FYN: variants seen among roughly 807,000 people sequenced by gnomAD.
FYN encodes tyrosine-protein kinase Fyn.
FYN carries 10 observed loss-of-function variants against 70.2 expected under a neutral mutation model. The ratio of observed to expected loss-of-function variants is 0.14; its 90% CI spans 0.09 to 0.24. The LOEUF (loss-of-function observed/expected upper bound fraction) is 0.24. Among genes scored for constraint, FYN ranks in the 10% least tolerant of loss-of-function variants. The pLI, the probability that FYN is intolerant of heterozygous loss-of-function variation, is 1.00. For synonymous variants in FYN, 236 were observed against 248.6 expected (o/e 0.95, Z 0.48); for missense variants, 319 against 673.1 (o/e 0.47, Z 5.82).
chr6:111,840,359 A>T (rs2114453782), intron 2 of FYN, among the ~76,000 whole-genome samples: 1 of 152,290 alleles, frequency 6.6e-6, no homozygotes, highest in African/African-American at 2.4e-5. Context: ...AGACACACAG[A>T]TGAGAAGGCA....
chr6:111,785,466 C>A (rs931333467), intron 2 of FYN, among the ~76,000 whole-genome samples: 6 of 152,192 alleles, frequency 3.9e-5, no homozygotes, highest in African/African-American at 1.4e-4. Flanking sequence ...CTCTCTGACT[C>A]TGGCCTCTCT....
At chr6:111,663,254 C>A (rs957796240) in intron 13 of FYN, among the ~76,000 whole-genome samples, 1 of 152,204 alleles carries the variant, frequency 6.6e-6, no homozygotes, top group African/African-American at 2.4e-5. Flanking sequence ...ATATAGAAAC[C>A]AAGATTTCTT....
chr6:111,802,221 C>A (rs1389098347), intron 2 of FYN, among the ~76,000 whole-genome samples: 1 of 151,842 alleles, frequency 6.6e-6, no homozygotes, highest in Non-Finnish European at 1.5e-5. Context: ...AAGCATGTGG[C>A]ACCTCCCCCT....
At chr6:111,718,152 C>T (rs1389675952) in intron 4 of FYN, among the ~76,000 whole-genome samples, 3 of 152,228 alleles carry the variant, frequency 2.0e-5, no homozygotes, top group African/African-American at 7.2e-5. Context: ...CAGCACCCCA[C>T]TCTCTCCTTG....
At chr6:111,862,247 T>C (rs964668194) in intron 1 of FYN, among the ~76,000 whole-genome samples, 4 of 152,210 alleles carry the variant, frequency 2.6e-5, no homozygotes, top group South Asian at 2.1e-4. Context: ...GAAAACCTGA[T>C]GGCAGAGGGC....
chr6:111,749,290 T>A (rs1802382509), intron 3 of FYN, among the ~76,000 whole-genome samples: 1 of 152,204 alleles, frequency 6.6e-6, no homozygotes, highest in African/African-American at 2.4e-5. Flanking sequence ...TTTAAGTCTC[T>A]CTGGAGCAAC....
At chr6:111,866,924 A>C (rs1447852766) in intron 1 of FYN, among the ~76,000 whole-genome samples, 2 of 152,136 alleles carry the variant, frequency 1.3e-5, no homozygotes, top group African/African-American at 4.8e-5. Flanking sequence ...AGTTCTCCTG[A>C]TGCTGCTTTG....
At chr6:111,739,263 G>A (rs1035341734) in intron 3 of FYN, among the ~76,000 whole-genome samples, 2 of 152,258 alleles carry the variant, frequency 1.3e-5, no homozygotes, top group African/African-American at 4.8e-5. Context: ...ATTGTTCACT[G>A]AGGACAGTGC....
Position 111,694,564 on chromosome 6 carries a change from C to A in FYN, c.1120-36G>T. On this transcript the variant is annotated intron_variant, in intron 11 of 13. Transcript: ENST00000354650. This position sits in a 1 kb window ranked among gnomAD's most constrained non-coding sequence, Gnocchi z 5.0. ...CCAGGGAACAGGACATGTTACACCACGACCCAATGTACTTAGACACGTCAT... is the reference window on the plus strand; with the variant it reads ...CCAGGGAACAGGACATGTTACACCAAGACCCAATGTACTTAGACACGTCAT... 1 of 1,613,764 alleles carries A rather than the reference C, an allele frequency of 6.2e-7. No individual in the cohort carries two copies.
intron 4 of FYN, among the ~76,000 whole-genome samples, chr6:111,716,154 AT>A (rs543813045): frequency 5.9e-5 from 9 of 152,076 alleles, no homozygotes; most frequent in Non-Finnish European, 1.3e-4. Flanking sequence ...CTCAGAGTCT[AT>A]TTTCTTTTGT....
intron 2 of FYN, among the ~76,000 whole-genome samples, chr6:111,790,673 T>G (rs1235283188): frequency 6.6e-6 from 1 of 152,220 alleles, no homozygotes; most frequent in Non-Finnish European, 1.5e-5. Flanking sequence ...CAGCTCTGAT[T>G]TGGAGTCAGG....
intron 1 of FYN, among the ~76,000 whole-genome samples, chr6:111,860,137 CAGGACT>C (rs1310263926): frequency 7.2e-5 from 11 of 152,068 alleles, no homozygotes; most frequent in African/African-American, 2.4e-4. Flanking sequence ...TTTGGGCCTC[CAGGACT>C]ATGACAGAAA....
At chr6:111,689,561 G>A (rs1174243021) in intron 12 of FYN, among the ~76,000 whole-genome samples, 3 of 152,148 alleles carry the variant, frequency 2.0e-5, no homozygotes, top group Non-Finnish European at 4.4e-5. Flanking sequence ...CAGTAGAATG[G>A]AGGCTCTGTG....
chr6:111,836,024 G>A lies in FYN; in HGVS notation c.-82+10565C>T, dbSNP rs1026064756. On this transcript the variant is annotated intron_variant, in intron 2 of 13. Transcript: ENST00000354650. ...AGACACTGGTACAGTTAAAGGGCCA[G>A]GCTGAATGGATACCCTCCATGCAGG... 1.2e-4 allele frequency among the ~76,000 whole-genome samples: 18 copies of A among 152,182 alleles called. 1 individual carries two copies. Among genetic ancestry groups the A allele is most frequent in the African/African-American group, 2.4e-5 (1 of 41,438 alleles).
chr6:111,719,156 T>A (rs1297217789), intron 4 of FYN, among the ~76,000 whole-genome samples: 3 of 152,148 alleles, frequency 2.0e-5, no homozygotes, highest in South Asian at 4.1e-4. Context: ...CAGAGAAAAT[T>A]TGGATGACTA....
intron 3 of FYN, among the ~76,000 whole-genome samples, chr6:111,729,826 T>C (rs1456816542): frequency 1.3e-5 from 2 of 152,230 alleles, no homozygotes; most frequent in Non-Finnish European, 2.9e-5. Flanking sequence ...GGTGTGCAGA[T>C]GATAACACTA....
chr6:111,719,004 T>C (rs1800803841), intron 4 of FYN, among the ~76,000 whole-genome samples: 1 of 152,184 alleles, frequency 6.6e-6, no homozygotes, highest in South Asian at 2.1e-4. Flanking sequence ...GGCTGAGAGA[T>C]ACTGGATTCT....
At chr6:111,732,542 G>A (rs941704376) in intron 3 of FYN, among the ~76,000 whole-genome samples, 25 of 152,230 alleles carry the variant, frequency 1.6e-4, no homozygotes, top group African/African-American at 5.1e-4. Context: ...CTATCCCCTC[G>A]CTGTCCCACC....
At chr6:111,829,086 T>C (rs1454579853) in intron 2 of FYN, among the ~76,000 whole-genome samples, 1 of 152,266 alleles carries the variant, frequency 6.6e-6, no homozygotes, top group Admixed American at 6.5e-5. Flanking sequence ...CTTCAGAACA[T>C]GCTTTACGAA....
Sources: gnomAD v4.1 joint callset for allele counts (sites outside exome capture counted in the v4.1 genomes callset) on GRCh38, gnomAD v4.1.1 for gene constraint, Gnocchi (gnomAD v3.1) non-coding constraint, MANE v1.5 for transcripts, NCBI Gene and HGNC (gene_info 2026-07-23, HGNC 2026-07-21) for gene names.